The following RORA variants were observed in gnomAD, a reference collection of about 807,000 sequenced individuals.
RORA encodes the protein nuclear receptor ROR-alpha.
RORA carries 7 observed loss-of-function variants against 69.5 expected under a neutral mutation model. That is an observed-to-expected ratio of 0.10 (90% confidence interval 0.06 to 0.19). The LOEUF (loss-of-function observed/expected upper bound fraction) is 0.19, where lower values mean the gene tolerates loss of function less well. RORA is among the 10% of genes least tolerant of loss of function. The pLI, the probability that RORA is intolerant of heterozygous loss-of-function variation, is 1.00. For synonymous variants in RORA, 261 were observed against 240.8 expected, an observed-to-expected ratio of 1.08 and a Z score of -0.78; for missense variants, 457 against 663.0, an observed-to-expected ratio of 0.69 and a Z score of 3.41.
At chr15:61,010,939 T>C (rs1895067572) in intron 1 of RORA, among the ~76,000 whole-genome samples, 1 of 152,200 alleles carries the variant, frequency 6.6e-6, no homozygotes, top group Admixed American at 6.5e-5. Context: ...ATTCCATGCA[T>C]ATATATTGAT....
At chr15:60,819,759 A>ACACACACACACACACACACACACACGCG (rs1567202039) in intron 1 of RORA, among the ~76,000 whole-genome samples, 3 of 132,798 alleles carry the variant, frequency 2.3e-5, no homozygotes, top group African/African-American at 8.4e-5. Flanking sequence ...ACACACACAC[A>ACACACACACACACACACACACACACGCG]CACACACACA....
intron 1 of RORA, among the ~76,000 whole-genome samples, chr15:61,106,132 G>C (rs1262758591): frequency 1.3e-5 from 2 of 152,210 alleles, no homozygotes; most frequent in Non-Finnish European, 2.9e-5. Context: ...AGAAACACTA[G>C]TTCTCATCAA....
In RORA at chr15:60,638,386, CT is replaced by C. The variant is rs375782514; in HGVS notation, c.196+40270del. Among the ~76,000 whole-genome samples, 1,148 of 117,882 alleles carry C rather than the reference CT, an allele frequency of 9.7e-3. 10 individuals are homozygous for C. Among genetic ancestry groups the C allele is most frequent in the East Asian group, 0.052 (204 of 3,936 alleles). 77.3% of individuals were successfully genotyped at this position (117,882 alleles called of 152,430 possible). On this transcript the variant is annotated intron_variant, in intron 2 of 10. Coordinates refer to ENST00000335670, the MANE Select transcript of RORA (RefSeq NM_134261.3). ...TCCTTATTTAACTGTATTTTCTTTT[CT>C]TTTTTTTTTTTTTTTGTCAAATGGT...
intron 1 of RORA, among the ~76,000 whole-genome samples, chr15:61,023,910 T>C (rs1895666876): frequency 6.6e-6 from 1 of 152,176 alleles, no homozygotes; most frequent in Admixed American, 6.5e-5. Flanking sequence ...TTGTATACAC[T>C]GATATATAAA....
chr15:61,152,918 G>C (rs2079409991), intron 1 of RORA, among the ~76,000 whole-genome samples: 1 of 152,184 alleles, frequency 6.6e-6, no homozygotes, highest in Admixed American at 6.5e-5. Context: ...TCACTGAAGA[G>C]CTACTTTCAT....
intron 1 of RORA, among the ~76,000 whole-genome samples, chr15:60,782,292 C>T (rs1403440164): frequency 1.3e-5 from 2 of 152,094 alleles, no homozygotes; most frequent in Non-Finnish European, 2.9e-5. Context: ...ATTAAGAGCA[C>T]GTGAAAATTA....
chr15:61,057,427 G>GTTTAGAA (rs1211336932), intron 1 of RORA, among the ~76,000 whole-genome samples: 1 of 152,214 alleles, frequency 6.6e-6, no homozygotes, highest in Non-Finnish European at 1.5e-5. Flanking sequence ...GAATGATCAT[G>GTTTAGAA]TTTAGAATTT....
chr15:60,501,252 G>C (rs1180494101), intron 8 of RORA, among the ~76,000 whole-genome samples, 183 bp from the exon 9 acceptor site: 1 of 152,146 alleles, frequency 6.6e-6, no homozygotes, highest in Non-Finnish European at 1.5e-5. Flanking sequence ...CATTTCTACA[G>C]TATAATAGTT....
Position 60,531,740 on chromosome 15 carries a change from AAAC to A in RORA, c.282+23_282+25del, listed in dbSNP as rs148625024. On this transcript the variant is annotated intron_variant, in intron 3 of 10. Transcript: ENST00000335670. The surrounding 1 kb of genome is among the most constrained non-coding windows in gnomAD (Gnocchi z 4.8). The stretch of plus-strand genomic sequence containing the variant: ...GATATATTCTAACAAACATTAATAG[AAAC>A]AACAACAATTAAAAAGGCTTACCTT... The A allele has an allele frequency of 4.3e-3, 5,569 of 1,282,466 alleles. 187 individuals carry two copies. In the African/African-American group the frequency reaches 0.074, roughly 17 times the overall value. 79.4% of individuals were successfully genotyped at this position (1,282,466 alleles called of 1,614,324 possible).
At chr15:61,016,730 G>C (rs893956792) in intron 1 of RORA, among the ~76,000 whole-genome samples, 1 of 152,108 alleles carries the variant, frequency 6.6e-6, no homozygotes, top group Non-Finnish European at 1.5e-5. Flanking sequence ...AGCTGAATGT[G>C]GTGAAATGGG....
intron 2 of RORA, among the ~76,000 whole-genome samples, chr15:60,669,920 T>C (rs1346165311): frequency 6.6e-6 from 1 of 152,228 alleles, no homozygotes; most frequent in Non-Finnish European, 1.5e-5. Context: ...TAAGTTAGAT[T>C]ACCTATACTG....
At chr15:61,222,314 A>G (rs1447333323) in intron 1 of RORA, among the ~76,000 whole-genome samples, 1 of 152,252 alleles carries the variant, frequency 6.6e-6, no homozygotes, top group Non-Finnish European at 1.5e-5. Flanking sequence ...ATGTAATGTG[A>G]TAAGACAGTC....
intron 1 of RORA, among the ~76,000 whole-genome samples, chr15:61,138,550 GTCTT>G (rs1356788707): frequency 6.6e-6 from 1 of 152,150 alleles, no homozygotes; most frequent in African/African-American, 2.4e-5. Flanking sequence ...AAATGTGTGA[GTCTT>G]TATATGGCAA....
chr15:60,602,726 A>C (rs1405335788), intron 2 of RORA, among the ~76,000 whole-genome samples: 1 of 152,216 alleles, frequency 6.6e-6, no homozygotes, highest in African/African-American at 2.4e-5. Context: ...ACCGTGTCAA[A>C]CTAGAAGAAT....
At chr15:61,054,820 TTTTTTG>T (rs1388177094) in intron 1 of RORA, among the ~76,000 whole-genome samples, 23 of 136,450 alleles carry the variant, frequency 1.7e-4, no homozygotes, top group Non-Finnish European at 2.5e-4. Flanking sequence ...TTGTTTTTTG[TTTTTTG>T]TTTTTTTTTT....
intron 1 of RORA, among the ~76,000 whole-genome samples, chr15:60,860,652 T>A (rs2073428242): frequency 6.6e-6 from 1 of 152,234 alleles, no homozygotes; most frequent in Admixed American, 6.5e-5. Flanking sequence ...TGAGCCTTAT[T>A]CGCTAAATTC....
intron 1 of RORA, among the ~76,000 whole-genome samples, chr15:60,766,801 C>T (rs2071999322): frequency 6.6e-6 from 1 of 152,096 alleles, no homozygotes; most frequent in African/African-American, 2.4e-5. Flanking sequence ...CTTTTGAACA[C>T]CTCACTTGTT....
intron 1 of RORA, among the ~76,000 whole-genome samples, chr15:60,720,430 A>G (rs2071279063): frequency 6.6e-6 from 1 of 152,222 alleles, no homozygotes; most frequent in Admixed American, 6.5e-5. Context: ...AGACTGTCCA[A>G]TAAAAATACT....
intron 1 of RORA, among the ~76,000 whole-genome samples, chr15:60,919,301 G>C (rs1006699162): frequency 6.6e-6 from 1 of 152,192 alleles, no homozygotes; most frequent in African/African-American, 2.4e-5. Flanking sequence ...AGAACTGCAG[G>C]AGACCCCTCG....
Sources: gnomAD v4.1 joint callset for allele counts (sites outside exome capture counted in the v4.1 genomes callset) on GRCh38, gnomAD v4.1.1 for gene constraint, Gnocchi (gnomAD v3.1) non-coding constraint, MANE v1.5 for transcripts, NCBI Gene and HGNC (gene_info 2026-07-23, HGNC 2026-07-21) for gene names.